TMEM17: variants seen among roughly 807,000 people sequenced by gnomAD.
TMEM17 encodes transmembrane protein 17.
TMEM17 carries 15 observed loss-of-function variants against 19.1 expected under a neutral mutation model. That is an observed-to-expected ratio of 0.78 (90% CI 0.52 to 1.21). TMEM17 has a LOEUF of 1.21. Ranked by LOEUF, TMEM17 falls within the 50% of genes most tolerant of loss-of-function variation. TMEM17 has a pLI of 0.00. For missense variants in TMEM17, 245 were observed against 242.3 expected (o/e 1.01, Z -0.07); for synonymous variants, 103 against 86.9 (o/e 1.19, Z -1.03).
the TMEM17 span, among the ~76,000 whole-genome samples, chr2:62,456,453 A>G: frequency 6.6e-6 from 1 of 152,226 alleles, no homozygotes; most frequent in African/African-American, 2.4e-5. Flanking sequence ...CTTCTGTAGT[A>G]AAATCTTCCT....
At chr2:62,475,513 C>T in the TMEM17 span, among the ~76,000 whole-genome samples, 2 of 152,250 alleles carry the variant, frequency 1.3e-5, no homozygotes, top group African/African-American at 4.8e-5. Context: ...CTGGGTTTCC[C>T]ATTTGTCACC....
chr2:62,478,294 C>T, the TMEM17 span, among the ~76,000 whole-genome samples: 1 of 152,192 alleles, frequency 6.6e-6, no homozygotes, highest in Non-Finnish European at 1.5e-5. Context: ...GGAAATGCTT[C>T]CTTTCTTAGC....
chr2:62,458,421 C>T, the TMEM17 span, among the ~76,000 whole-genome samples: 120 of 152,354 alleles, frequency 7.9e-4, no homozygotes, highest in Non-Finnish European at 1.1e-3. Context: ...TGTAAGTGCA[C>T]GCCCTCAGTT....
chr2:62,489,423 T>A, the TMEM17 span, among the ~76,000 whole-genome samples: 1 of 152,212 alleles, frequency 6.6e-6, no homozygotes, highest in African/African-American at 2.4e-5. Flanking sequence ...TGTGAGTGAA[T>A]TGTTTTTGTC....
the TMEM17 span, among the ~76,000 whole-genome samples, chr2:62,494,165 T>A: frequency 6.6e-6 from 1 of 152,218 alleles, no homozygotes; most frequent in Non-Finnish European, 1.5e-5. Flanking sequence ...CAAAGCATAG[T>A]GGATGACATA....
the TMEM17 span, among the ~76,000 whole-genome samples, chr2:62,455,224 G>A: frequency 1.1e-4 from 17 of 152,192 alleles, no homozygotes; most frequent in Non-Finnish European, 1.5e-4. Context: ...TACAATATGT[G>A]GTCTTCTGTG....
the TMEM17 span, among the ~76,000 whole-genome samples, chr2:62,487,158 G>C: frequency 2.0e-5 from 3 of 152,274 alleles, no homozygotes; most frequent in African/African-American, 7.2e-5. Flanking sequence ...GGATCTCACT[G>C]GTCTAAAATC....
downstream of TMEM17, among the ~76,000 whole-genome samples, chr2:62,497,871 C>G (rs1679813049): frequency 6.6e-6 from 1 of 152,214 alleles, no homozygotes; most frequent in African/African-American, 2.4e-5. Flanking sequence ...TGTTACCTGT[C>G]AGGTACTTAG....
chr2:62,504,253 G>A (rs1680005710), intron 1 of TMEM17, among the ~76,000 whole-genome samples: 1 of 152,160 alleles, frequency 6.6e-6, no homozygotes, highest in African/African-American at 2.4e-5. Flanking sequence ...ACTGATAAAG[G>A]AATGAATTCT....
At chr2:62,457,204 C>G in the TMEM17 span, among the ~76,000 whole-genome samples, 1 of 152,246 alleles carries the variant, frequency 6.6e-6, no homozygotes, top group Non-Finnish European at 1.5e-5. This position sits in a 1 kb window ranked among gnomAD's most constrained non-coding sequence, Gnocchi z 4.2. Flanking sequence ...CTGCCAAGCC[C>G]CCTGCCGTGC....
chr2:62,485,423 A>T, the TMEM17 span, among the ~76,000 whole-genome samples: 1,053 of 152,308 alleles, frequency 6.9e-3, 10 homozygotes, highest in African/African-American at 0.024. Context: ...TATTATCTCA[A>T]ACTGGCCTTT....
chr2:62,480,121 T>C, the TMEM17 span, among the ~76,000 whole-genome samples: 1 of 152,194 alleles, frequency 6.6e-6, no homozygotes, highest in African/African-American at 2.4e-5. Context: ...AGTGAGATGA[T>C]ATCTCATTGT....
chr2:62,483,631 C>T, the TMEM17 span, among the ~76,000 whole-genome samples: 2 of 146,462 alleles, frequency 1.4e-5, no homozygotes, highest in African/African-American at 5.1e-5. Flanking sequence ...GACAAGTTCA[C>T]TCTTGTCACC....
chr2:62,485,439 T>C, the TMEM17 span, among the ~76,000 whole-genome samples: 1 of 152,208 alleles, frequency 6.6e-6, no homozygotes, highest in Non-Finnish European at 1.5e-5. Context: ...CCTTTCTAAT[T>C]CTCAGAGGAG....
At chr2:62,489,722 C>T in the TMEM17 span, among the ~76,000 whole-genome samples, 42 of 152,152 alleles carry the variant, frequency 2.8e-4, no homozygotes, top group Middle Eastern at 6.8e-3. Context: ...AAGCCTTAGG[C>T]GTTACTAAAA....
the TMEM17 span, among the ~76,000 whole-genome samples, chr2:62,468,690 C>T: frequency 1.3e-5 from 2 of 152,262 alleles, no homozygotes; most frequent in South Asian, 4.2e-4. Flanking sequence ...CCTTATGGTT[C>T]AGCTGATAAG....
the TMEM17 span, among the ~76,000 whole-genome samples, chr2:62,462,008 G>A: frequency 6.6e-6 from 1 of 152,242 alleles, no homozygotes; most frequent in African/African-American, 2.4e-5. Flanking sequence ...TGTAGAAGAG[G>A]TGAATTCAGG....
In TMEM17 at chr2:62,506,021, G is replaced by A. The variant is rs1299446355; in HGVS notation, c.100+9C>T. ...GCCACACCCCCTGCACCGGGCCTCGGTCACTCACCCGGACCCTCATTGGAC... is the reference window on the plus strand; with the variant it reads ...GCCACACCCCCTGCACCGGGCCTCGATCACTCACCCGGACCCTCATTGGAC... On this transcript the variant is annotated intron_variant, in intron 1 of 3. Coordinates refer to ENST00000335390, the MANE Select transcript of TMEM17 (RefSeq NM_198276.3). The A allele has an allele frequency of 6.2e-7, 1 of 1,605,744 alleles. No homozygotes were observed. The highest frequency in any genetic ancestry group is 2.3e-5 in the East Asian group (1 of 44,258).
the TMEM17 span, among the ~76,000 whole-genome samples, chr2:62,470,506 G>A: frequency 6.6e-6 from 1 of 152,226 alleles, no homozygotes; most frequent in Non-Finnish European, 1.5e-5. Flanking sequence ...GGTGAGTGCA[G>A]TGTCGATAGA....
Sources: gnomAD v4.1 joint callset for allele counts (sites outside exome capture counted in the v4.1 genomes callset) on GRCh38, gnomAD v4.1.1 for gene constraint, Gnocchi (gnomAD v3.1) non-coding constraint, MANE v1.5 for transcripts, NCBI Gene and HGNC (gene_info 2026-07-23, HGNC 2026-07-21) for gene names.